Variants in CNTN5 observed in about 807,000 individuals in gnomAD.
CNTN5 encodes the protein contactin-5.
CNTN5 carries 77 observed loss-of-function variants against 129.1 expected under a neutral mutation model. The observed-to-expected ratio is 0.60, with a 90% CI of 0.50 to 0.72. The LOEUF is 0.72. Ranked by LOEUF, CNTN5 falls within the 30% of genes least tolerant of loss-of-function variation. CNTN5 has a pLI of 0.00. For synonymous variants in CNTN5, 509 were observed against 465.6 expected (o/e 1.09, Z -1.20); for missense variants, 1,478 against 1,328.8 (o/e 1.11, Z -1.75).
chr11:99,756,319 A>G (rs1044446638), intron 3 of CNTN5, among the ~76,000 whole-genome samples: 78 of 152,058 alleles, frequency 5.1e-4, no homozygotes, highest in African/African-American at 1.8e-3. Context: ...ATGTTTTTTT[A>G]TAGGTCCCTT....
intron 13 of CNTN5, among the ~76,000 whole-genome samples, chr11:100,184,887 G>T (rs1948249828): frequency 1.3e-5 from 2 of 152,082 alleles, no homozygotes; most frequent in Admixed American, 1.3e-4. Context: ...ACATGTTGAA[G>T]AAGGGACCCA....
chr11:100,154,846 C>CT (rs1947185039), intron 13 of CNTN5, among the ~76,000 whole-genome samples: 5 of 152,080 alleles, frequency 3.3e-5, no homozygotes. Context: ...TTTTCATATC[C>CT]TTTGCCTACT....
chr11:99,788,311 T>G (rs1462851909), intron 3 of CNTN5, among the ~76,000 whole-genome samples: 1 of 151,890 alleles, frequency 6.6e-6, no homozygotes, highest in Non-Finnish European at 1.5e-5. Flanking sequence ...TAATAACATA[T>G]AGGCTGTGGA....
chr11:100,057,418 A>G (rs910145822), intron 9 of CNTN5, among the ~76,000 whole-genome samples: 6 of 151,546 alleles, frequency 4.0e-5, no homozygotes, highest in Admixed American at 4.0e-4. Context: ...TCTATCATTT[A>G]TTGGGTGCTT....
intron 3 of CNTN5, among the ~76,000 whole-genome samples, chr11:99,720,053 A>G (rs1479354797): frequency 6.6e-6 from 1 of 152,100 alleles, no homozygotes; most frequent in Non-Finnish European, 1.5e-5. Flanking sequence ...GACAACAACA[A>G]AAAAAACCCT....
chr11:99,390,840 G>A (rs1476608731), intron 2 of CNTN5, among the ~76,000 whole-genome samples: 1 of 151,872 alleles, frequency 6.6e-6, no homozygotes, highest in Non-Finnish European at 1.5e-5. Context: ...ACTAACATAG[G>A]CATTTAATTA....
intron 3 of CNTN5, among the ~76,000 whole-genome samples, chr11:99,621,980 T>C (rs532656692): frequency 6.6e-6 from 1 of 152,198 alleles, no homozygotes; most frequent in Admixed American, 6.5e-5. Flanking sequence ...TCTAACATCA[T>C]GGATAAAATC....
chr11:99,791,096 G>T (rs1945725177), intron 3 of CNTN5, among the ~76,000 whole-genome samples: 1 of 125,894 alleles, frequency 7.9e-6, no homozygotes, highest in Non-Finnish European at 1.7e-5. Context: ...TCTCTGTGTT[G>T]TTTACTTTGT....
At chr11:99,948,111 A>G (rs929395903) in intron 7 of CNTN5, among the ~76,000 whole-genome samples, 5 of 152,216 alleles carry the variant, frequency 3.3e-5, no homozygotes, top group African/African-American at 1.2e-4. Context: ...CTTTCTACGC[A>G]TCAAACACTG....
chr11:100,036,368 T>C (rs1942008073), intron 9 of CNTN5, among the ~76,000 whole-genome samples: 1 of 152,020 alleles, frequency 6.6e-6, no homozygotes, highest in Non-Finnish European at 1.5e-5. Context: ...TTGGTTACTG[T>C]AGCTTTGTAG....
chr11:99,230,493 G>T (rs1186432172), intron 1 of CNTN5, among the ~76,000 whole-genome samples: 1 of 152,052 alleles, frequency 6.6e-6, no homozygotes, highest in Admixed American at 6.6e-5. Context: ...GTTTTTATTT[G>T]TTTAACCTTT....
chr11:99,036,262 C>T (rs148660618), intron 1 of CNTN5, among the ~76,000 whole-genome samples: 101 of 152,026 alleles, frequency 6.6e-4, no homozygotes, highest in African/African-American at 2.2e-3. Context: ...ATAACTTGTC[C>T]GGTTTAGACA....
chr11:99,098,088 G>A (rs985257664), intron 1 of CNTN5, among the ~76,000 whole-genome samples: 2 of 152,010 alleles, frequency 1.3e-5, no homozygotes, highest in Non-Finnish European at 2.9e-5. Context: ...TAACTGAGAG[G>A]GGGAATAGAG....
intron 4 of CNTN5, among the ~76,000 whole-genome samples, chr11:99,823,087 G>A (rs375725091): frequency 2.6e-5 from 4 of 152,150 alleles, no homozygotes. Context: ...ACGTGTATCC[G>A]TACCTATTCG....
chr11:99,916,051 C>G lies in CNTN5; in HGVS notation c.578-3C>G. The G allele has an allele frequency of 6.2e-7, 1 of 1,609,242 alleles. No individual in the cohort carries two copies. Among genetic ancestry groups the G allele is most frequent in the African/African-American group, 1.3e-5 (1 of 74,920 alleles). On this transcript the variant is annotated splice_polypyrimidine_tract_variant and splice_region_variant and intron_variant, in intron 6 of 24. Coordinates refer to ENST00000524871, the MANE Select transcript of CNTN5 (RefSeq NM_014361.4). ...GGATCTAAATGTTTTATTATGTTGA[C>G]AGATCTGGGAAATTTTAGTGGCCGG...
intron 3 of CNTN5, among the ~76,000 whole-genome samples, chr11:99,782,200 C>G (rs1208498662): frequency 6.8e-6 from 1 of 147,644 alleles, no homozygotes; most frequent in Non-Finnish European, 1.5e-5. Context: ...AACAGAGAGC[C>G]AAATCATGAG....
At chr11:99,127,512 C>A (rs922022759) in intron 1 of CNTN5, among the ~76,000 whole-genome samples, 6 of 152,178 alleles carry the variant, frequency 3.9e-5, no homozygotes, top group African/African-American at 1.4e-4. Flanking sequence ...CTCCCCACTG[C>A]CACTAGGGTC....
intron 3 of CNTN5, among the ~76,000 whole-genome samples, chr11:99,812,694 C>G (rs773693043): frequency 1.4e-4 from 22 of 152,162 alleles, no homozygotes; most frequent in South Asian, 1.0e-3. Context: ...ACTTTGGAAC[C>G]TCTATTGCAA....
intron 2 of CNTN5, among the ~76,000 whole-genome samples, chr11:99,524,811 A>C (rs180996992): frequency 4.6e-5 from 7 of 152,036 alleles, no homozygotes; most frequent in South Asian, 2.1e-4. Flanking sequence ...TCAAAAAAAA[A>C]CAAAAAAAAA....
Sources: allele counts gnomAD v4.1 joint callset (sites outside exome capture counted in the v4.1 genomes callset), GRCh38; gene constraint gnomAD v4.1.1; transcripts MANE v1.5; gene names NCBI Gene and HGNC (gene_info 2026-07-23, HGNC 2026-07-21).